The following ZNF444 variants were observed in gnomAD, a reference collection of about 807,000 sequenced individuals.
ZNF444 encodes zinc finger protein 444.
Under a neutral mutation model 14.4 loss-of-function variants are expected in ZNF444, and 8 were observed. The observed-to-expected ratio is 0.56, with a 90% confidence interval of 0.33 to 1.00. The LOEUF is 1.00. Among genes scored for constraint, ZNF444 ranks in the 50% least tolerant of loss-of-function variants. The pLI is 0.03. For synonymous variants in ZNF444, 258 were observed against 235.9 expected, an observed-to-expected ratio of 1.09 and a Z score of -0.86; for missense variants, 510 against 504.8, an observed-to-expected ratio of 1.01 and a Z score of -0.10.
In ZNF444 at chr19:56,144,330, AAG is replaced by A. The variant is rs2031030102; in HGVS notation, c.-196-1916_-196-1915del. ...TCTTAAAAAAAAGAAAAAAGAAAAA[AAG>A]GGATCCATTGTGGCTGGAGTATAGA... On this transcript the variant is annotated intron_variant, in intron 1 of 4. Coordinates refer to ENST00000337080, the MANE Select transcript of ZNF444 (RefSeq NM_018337.4). The surrounding 1 kb of genome is among the most constrained non-coding windows in gnomAD (Gnocchi z 4.0). Among the ~76,000 whole-genome samples, 1 of 151,982 alleles carries A rather than the reference AAG, an allele frequency of 6.6e-6. No individual in the cohort carries two copies. The highest frequency in any genetic ancestry group is 1.5e-5 in the Non-Finnish European group (1 of 68,012).
In ZNF444 at chr19:56,144,871, C is replaced by G. The variant is rs779826332; in HGVS notation, c.-196-1376C>G. 2.7e-4 allele frequency among the ~76,000 whole-genome samples: 41 copies of G among 152,244 alleles called. No homozygotes were observed. Among genetic ancestry groups the G allele is most frequent in the Non-Finnish European group, 5.0e-4 (34 of 68,050 alleles). ...GTTCTGGGGCGGGCTGGCGCCTGAG[C>G]CCCATGGGGTCATCAGGGTCCCTTC... On this transcript the variant is annotated intron_variant, in intron 1 of 4. Coordinates refer to ENST00000337080, the MANE Select transcript of ZNF444 (RefSeq NM_018337.4). This position sits in a 1 kb window ranked among gnomAD's most constrained non-coding sequence, Gnocchi z 4.0.
chr19:56,147,435 G>A lies in ZNF444; in HGVS notation c.297+227G>A, dbSNP rs2031267046. 6.6e-6 allele frequency among the ~76,000 whole-genome samples: 1 copy of A among 152,166 alleles called. No homozygotes were observed. The highest frequency in any genetic ancestry group is 2.1e-4 in the South Asian group (1 of 4,824). ...AGGGCCCCAAGACCCTGGCATACTT[G>A]CGAGTTCTCTAGGACTCACAGCCGT... On this transcript the variant is annotated intron_variant, in intron 3 of 4. Coordinates refer to ENST00000337080, the MANE Select transcript of ZNF444 (RefSeq NM_018337.4). This position sits in a 1 kb window ranked among gnomAD's most constrained non-coding sequence, Gnocchi z 5.9.
intron 3 of ZNF444, among the ~76,000 whole-genome samples, chr19:56,153,521 C>T (rs1381469553): frequency 6.6e-6 from 1 of 152,196 alleles, no homozygotes; most frequent in Non-Finnish European, 1.5e-5. Context: ...CTTTGATATA[C>T]AGGATTTGAC....
chr19:56,147,022 G>A lies in ZNF444; in HGVS notation c.111G>A (p.Ala37=), dbSNP rs771614334. The A allele has an allele frequency of 9.4e-6, 14 of 1,492,500 alleles. No individual in the cohort carries two copies. The South Asian group carries it at 1.1e-4, about 11-fold the overall frequency. The allele number at this position is 1,492,500 out of a possible 1,614,324, so 92.5% of individuals were successfully genotyped here. A position where few individuals can be genotyped will look rare whatever the true frequency, so the allele number is the denominator to read the frequency against. ...GCGACGCGCCGGGCCCGCGGGAGGC[G>A]CTGGGGCTGCTCCGCGCCCTGTGCC... ...HLGDAPGPRE[A]LGLLRALCRD... is the part of the protein sequence containing the mutation. Residue 37 remains alanine (A), a synonymous_variant, in exon 3 of 5, where the codon GCG becomes GCA. Coordinates refer to ENST00000337080, the MANE Select transcript of ZNF444 (RefSeq NM_018337.4). This position sits in a 1 kb window ranked among gnomAD's most constrained non-coding sequence, Gnocchi z 5.9.
chr19:56,143,176 CCTTA>C (rs2030943798), intron 1 of ZNF444, among the ~76,000 whole-genome samples: 1 of 152,160 alleles, frequency 6.6e-6, no homozygotes, highest in African/African-American at 2.4e-5. Context: ...GGTGGAAGGC[CCTTA>C]CTTAACAGCA....
chr19:56,143,599 A>T (rs2030974293), intron 1 of ZNF444: 1 of 152,172 alleles, frequency 6.6e-6, no homozygotes, highest in Admixed American at 6.6e-5. Flanking sequence ...TAGGTAAGAC[A>T]TCTCCCCTTG....
chr19:56,159,926 G>A lies in ZNF444; in HGVS notation c.709G>A (p.Gly237Arg), dbSNP rs1313272487. 3 of 1,487,118 alleles carry A rather than the reference G, an allele frequency of 2.0e-6. No homozygotes were observed. Among genetic ancestry groups the A allele is most frequent in the East Asian group, 2.7e-5 (1 of 37,526 alleles). 92.1% of individuals were successfully genotyped at this position (1,487,118 alleles called of 1,614,324 possible). A position where few individuals can be genotyped will look rare whatever the true frequency, so the allele number is the denominator to read the frequency against. ...GCACCCCGGCAGCCCCGGCAGCCCC[G>A]GGCCCGCGCTGCGCCCTCTGCCCGC... is the stretch of plus-strand genomic sequence containing the variant. Reference protein sequence around the residue: ...DTHPGSPGSPGPALRPLPARE... With the variant: ...DTHPGSPGSPRPALRPLPARE... The change falls in exon 5 of 5, where the codon GGG becomes AGG. Residue 237 changes from glycine (G) to arginine (R), a missense_variant. Gly to Arg is a moderately radical substitution (Grantham distance 125). Coordinates refer to ENST00000337080, the MANE Select transcript of ZNF444 (RefSeq NM_018337.4).
In ZNF444 at chr19:56,147,959, G is replaced by A. The variant is rs2031307201; in HGVS notation, c.297+751G>A. Among the ~76,000 whole-genome samples, 2 of 152,340 alleles carry A rather than the reference G, an allele frequency of 1.3e-5. No individual in the cohort carries two copies. Among genetic ancestry groups the A allele is most frequent in the African/African-American group, 4.8e-5 (2 of 41,580 alleles). On this transcript the variant is annotated intron_variant, in intron 3 of 4. Coordinates refer to ENST00000337080, the MANE Select transcript of ZNF444 (RefSeq NM_018337.4). This position sits in a 1 kb window ranked among gnomAD's most constrained non-coding sequence, Gnocchi z 5.9. ...TCACCTGGGGCTGACACTTGCCACC[G>A]TGATGACCACAGAGGGCCCGAGGAG...
chr19:56,136,769 C>T (rs765564404), upstream of ZNF444, among the ~76,000 whole-genome samples: 4 of 151,290 alleles, frequency 2.6e-5, no homozygotes, highest in Non-Finnish European at 4.4e-5. Flanking sequence ...AGGCAGAGAC[C>T]GAGAATCTGC....
At position 56,144,180 on chromosome 19, in the gene ZNF444, C is replaced by T. The variant is rs1223250568; in HGVS notation, c.-196-2067C>T. ...AAAAATTAGCTGGGTGTGTTGGTGC[C>T]TGCCTGTGGTCCCAGCTGCTCAGGA... On this transcript the variant is annotated intron_variant, in intron 1 of 4. Coordinates refer to ENST00000337080, the MANE Select transcript of ZNF444 (RefSeq NM_018337.4). The surrounding 1 kb of genome is among the most constrained non-coding windows in gnomAD (Gnocchi z 4.0). Among the ~76,000 whole-genome samples, 1 of 152,014 alleles carries T rather than the reference C, an allele frequency of 6.6e-6. No individual in the cohort carries two copies. The highest frequency in any genetic ancestry group is 2.1e-4 in the South Asian group (1 of 4,822).
chr19:56,141,568 G>T (rs1412759110), intron 1 of ZNF444, among the ~76,000 whole-genome samples: 1 of 104,528 alleles, frequency 9.6e-6, no homozygotes, highest in Non-Finnish European at 2.0e-5. Flanking sequence ...GGGGTGGATA[G>T]TGGGAGGGGG....
intron 3 of ZNF444, among the ~76,000 whole-genome samples, chr19:56,149,210 C>G (rs1599881618): frequency 2.1e-5 from 2 of 94,290 alleles, no homozygotes; most frequent in African/African-American, 1.1e-4. Context: ...GCTTCCATCC[C>G]CCATCACTCC....
chr19:56,140,290 G>T (rs1162638761), upstream of ZNF444, among the ~76,000 whole-genome samples: 1 of 149,170 alleles, frequency 6.7e-6, no homozygotes, highest in Non-Finnish European at 1.5e-5. Context: ...CTGGGGTAGG[G>T]CTTGTATGAG....
chr19:56,146,630 A>G (rs1369217082), intron 2 of ZNF444, among the ~76,000 whole-genome samples: 87 of 152,098 alleles, frequency 5.7e-4, no homozygotes, highest in Admixed American at 5.6e-3. Flanking sequence ...TCTCTACTAA[A>G]AATATAAAAA....
chr19:56,149,018 G>T (rs1162891093), intron 3 of ZNF444, among the ~76,000 whole-genome samples: 1 of 151,418 alleles, frequency 6.6e-6, no homozygotes, highest in East Asian at 1.9e-4. Flanking sequence ...TCCGACCTCT[G>T]CTTCCATCCC....
chr19:56,158,692 A>C (rs906302156), intron 4 of ZNF444, 90 bp downstream of exon 4: 1 of 1,212,040 alleles, frequency 8.3e-7, no homozygotes, highest in African/African-American at 1.6e-5. Context: ...GACCCAGGAC[A>C]AGGACAGACT....
At chr19:56,141,628 G>A (rs1481066060) in intron 1 of ZNF444, 14 of 79,560 alleles carry the variant, frequency 1.8e-4, no homozygotes, top group Non-Finnish European at 2.2e-4. Flanking sequence ...TGAGGGAGAG[G>A]ACGGGGGAGG....
intron 3 of ZNF444, chr19:56,157,709 T>A (rs1163006806): frequency 6.6e-6 from 1 of 152,260 alleles, no homozygotes; most frequent in African/African-American, 2.4e-5. Flanking sequence ...GGCCTAGGCA[T>A]TGCTAATTTT....
At position 56,145,500 on chromosome 19, in the gene ZNF444, C is replaced by T. The variant is rs1471600716; in HGVS notation, c.-196-747C>T. The stretch of plus-strand genomic sequence containing the variant: ...ACTTGGGAGGATGAGGCAGGAGAAT[C>T]GCTTGACCCTGGGAGGCGGAGGTTG... On this transcript the variant is annotated intron_variant, in intron 1 of 4. Coordinates refer to ENST00000337080, the MANE Select transcript of ZNF444 (RefSeq NM_018337.4). This position sits in a 1 kb window ranked among gnomAD's most constrained non-coding sequence, Gnocchi z 4.3. Among the ~76,000 whole-genome samples the T allele has an allele frequency of 6.6e-6, 1 of 152,082 alleles. No homozygotes were observed. Among genetic ancestry groups the T allele is most frequent in the Non-Finnish European group, 1.5e-5 (1 of 68,020 alleles).
Sources: allele counts gnomAD v4.1 joint callset (sites outside exome capture counted in the v4.1 genomes callset), GRCh38; gene constraint gnomAD v4.1.1; non-coding constraint Gnocchi (gnomAD v3.1); transcripts MANE v1.5; gene names NCBI Gene and HGNC (gene_info 2026-07-23, HGNC 2026-07-21).